RBFOX1: variants seen among roughly 807,000 people sequenced by gnomAD.
RBFOX1 encodes RNA binding fox-1 homolog 1.
Under a neutral mutation model 57.7 loss-of-function variants are expected in RBFOX1, and 8 were observed. That is an observed-to-expected ratio of 0.14 (90% confidence interval 0.08 to 0.25). The LOEUF (loss-of-function observed/expected upper bound fraction) is 0.25. RBFOX1 is among the 10% of genes least tolerant of loss of function. RBFOX1 has a pLI of 1.00. For synonymous variants in RBFOX1, 326 were observed against 222.4 expected, an observed-to-expected ratio of 1.47 and a Z score of -4.15; for missense variants, 611 against 548.5, an observed-to-expected ratio of 1.11 and a Z score of -1.14.
At chr16:7,671,639 T>G (rs779491571) in intron 13 of RBFOX1, 22 of 1,569,136 alleles carry the variant, frequency 1.4e-5, no homozygotes, top group Non-Finnish European at 1.8e-5. Context: ...ATCACTATGA[T>G]TGTGGGTTTG....
intron 2 of RBFOX1, among the ~76,000 whole-genome samples, chr16:6,627,376 A>T (rs1257355858): frequency 6.6e-6 from 1 of 152,174 alleles, no homozygotes; most frequent in East Asian, 1.9e-4. Context: ...CACTGCTTGG[A>T]GGAAGTGAGA....
rs7204030 is a variant in RBFOX1, at chr16:6,431,558, G to A, written c.-64+114501G>A. On this transcript the variant is annotated intron_variant, in intron 2 of 15. Transcript: ENST00000550418. ...TACAAGCAGATAAAACAGGGGCTCCGAGGGTGTAAATGGTGGGATTTGAAG... is the reference window on the plus strand; with the variant it reads ...TACAAGCAGATAAAACAGGGGCTCCAAGGGTGTAAATGGTGGGATTTGAAG... Among the ~76,000 whole-genome samples, 510 of 152,138 alleles carry A rather than the reference G, an allele frequency of 3.4e-3. 4 individuals are homozygous for A. Among genetic ancestry groups the A allele is most frequent in the African/African-American group, 0.012 (478 of 41,520 alleles).
At chr16:6,389,631 A>T (rs1482197172) in intron 2 of RBFOX1, among the ~76,000 whole-genome samples, 1 of 152,176 alleles carries the variant, frequency 6.6e-6, no homozygotes, top group Non-Finnish European at 1.5e-5. Flanking sequence ...TGGTGTACTA[A>T]CAAGCAACTG....
At chr16:5,302,470 T>A (rs1404389430) in intron 1 of RBFOX1, among the ~76,000 whole-genome samples, 1 of 152,204 alleles carries the variant, frequency 6.6e-6, no homozygotes, top group Non-Finnish European at 1.5e-5. Flanking sequence ...GATTGTGTCA[T>A]TCAAATTTAA....
At chr16:5,755,953 TA>T (rs2053379245) in intron 3 of RBFOX1, among the ~76,000 whole-genome samples, 1 of 152,000 alleles carries the variant, frequency 6.6e-6, no homozygotes, top group Non-Finnish European at 1.5e-5. Flanking sequence ...GGAGATGAAG[TA>T]AAGGAGCAGG....
intron 2 of RBFOX1, chr16:6,577,241 C>G (rs1451919465): frequency 6.6e-6 from 1 of 152,192 alleles, no homozygotes; most frequent in African/African-American, 2.4e-5. Flanking sequence ...TGGAGGGTGT[C>G]TGTAATAGCA....
intron 3 of RBFOX1, among the ~76,000 whole-genome samples, chr16:5,818,082 T>C (rs1387946622): frequency 6.6e-6 from 1 of 152,172 alleles, no homozygotes; most frequent in Non-Finnish European, 1.5e-5. Flanking sequence ...TAAATAAAGA[T>C]ATTCAATAAC....
chr16:7,466,954 A>C (rs755637592), intron 4 of RBFOX1, among the ~76,000 whole-genome samples: 8 of 152,198 alleles, frequency 5.3e-5, no homozygotes, highest in African/African-American at 1.9e-4. Context: ...ACACATATTT[A>C]CAGAGCACCC....
Position 6,715,346 on chromosome 16 carries a change from G to C in RBFOX1, c.-16+60696G>C, listed in dbSNP as rs77716288. ...TTAGATTCTGGGACCAGGGTGCGGA[G>C]GGACAGATGGGGTGAGTGATTTTGA... On this transcript the variant is annotated intron_variant, in intron 3 of 15. Transcript: ENST00000550418. Among the ~76,000 whole-genome samples, 363 of 152,098 alleles carry C rather than the reference G, an allele frequency of 2.4e-3. 3 individuals carry two copies. Among genetic ancestry groups the C allele is most frequent in the African/African-American group, 8.4e-3 (349 of 41,486 alleles).
In RBFOX1 at chr16:5,877,553, C is replaced by T. The variant is rs185521406; in HGVS notation, c.351+10218C>T. Among the ~76,000 whole-genome samples, 208 of 152,290 alleles carry T rather than the reference C, an allele frequency of 1.4e-3. 1 individual carries two copies. Among genetic ancestry groups the T allele is most frequent in the African/African-American group, 4.5e-3 (185 of 41,560 alleles). On this transcript the variant is annotated intron_variant, in intron 4 of 19. Coordinates refer to the RBFOX1 transcript ENST00000641259. Reference sequence around the variant, plus strand: ...GCGAGCCCCACAACTGGGGCTTAGCCGAAGAGGGTTCTTGGCTTTGCCCAG... The same window carrying T: ...GCGAGCCCCACAACTGGGGCTTAGCTGAAGAGGGTTCTTGGCTTTGCCCAG...
chr16:5,788,683 G>A (rs944890958), intron 3 of RBFOX1, among the ~76,000 whole-genome samples: 1 of 151,998 alleles, frequency 6.6e-6, no homozygotes, highest in African/African-American at 2.4e-5. Context: ...GCAAAGATAG[G>A]CCTTATTTAG....
intron 3 of RBFOX1, among the ~76,000 whole-genome samples, chr16:5,776,920 A>G (rs2054167645): frequency 1.3e-5 from 2 of 152,240 alleles, no homozygotes; most frequent in African/African-American, 4.8e-5. Context: ...AGCACGTGAA[A>G]TATGGCTTAA....
chr16:7,105,109 T>C (rs1329164761), intron 4 of RBFOX1, among the ~76,000 whole-genome samples: 1 of 152,138 alleles, frequency 6.6e-6, no homozygotes, highest in African/African-American at 2.4e-5. Context: ...CCACTAAAGC[T>C]TGGATGTTTA....
intron 4 of RBFOX1, among the ~76,000 whole-genome samples, chr16:7,161,481 T>G (rs1158126933): frequency 6.6e-6 from 1 of 152,200 alleles, no homozygotes; most frequent in Non-Finnish European, 1.5e-5. Context: ...CTGTAATTCT[T>G]TCTTCACTCT....
intron 3 of RBFOX1, among the ~76,000 whole-genome samples, chr16:6,813,767 G>A (rs549650224): frequency 9.9e-5 from 15 of 152,264 alleles, no homozygotes; most frequent in Non-Finnish European, 1.8e-4. Context: ...CATGCCAATG[G>A]CAGCAGGCAC....
intron 11 of RBFOX1, among the ~76,000 whole-genome samples, chr16:7,635,532 G>A (rs528620192): frequency 2.0e-5 from 3 of 152,002 alleles, no homozygotes; most frequent in Non-Finnish European, 4.4e-5. Flanking sequence ...CATTTTCTCC[G>A]TGGTTATTCA....
At chr16:6,634,209 G>C (rs142599321) in intron 2 of RBFOX1, among the ~76,000 whole-genome samples, 1 of 152,102 alleles carries the variant, frequency 6.6e-6, no homozygotes, top group African/African-American at 2.4e-5. Flanking sequence ...CTTCTGTTGT[G>C]TGCTCATTCA....
intron 3 of RBFOX1, among the ~76,000 whole-genome samples, chr16:5,804,114 G>T (rs1267855983): frequency 6.6e-6 from 1 of 152,178 alleles, no homozygotes; most frequent in African/African-American, 2.4e-5. Flanking sequence ...AAGCTTTTCA[G>T]TTCCTTGGAA....
At chr16:6,990,932 T>C (rs8055711) in intron 3 of RBFOX1, among the ~76,000 whole-genome samples, 104,374 of 151,790 alleles carry the variant, frequency 0.69, 36,137 homozygotes, top group Middle Eastern at 0.73. Context: ...TTATTGCCAA[T>C]GAGAACCACC....
Sources: allele counts gnomAD v4.1 joint callset (sites outside exome capture counted in the v4.1 genomes callset), GRCh38; gene constraint gnomAD v4.1.1; transcripts MANE v1.5; gene names NCBI Gene and HGNC (gene_info 2026-07-23, HGNC 2026-07-21).